RORA: variants seen among roughly 807,000 people sequenced by gnomAD.
RORA encodes the protein RAR related orphan receptor A.
RORA carries 7 observed loss-of-function variants against 69.5 expected under a neutral mutation model. That is an observed-to-expected ratio of 0.10 (90% CI 0.06 to 0.19). The LOEUF is 0.19. Ranked by LOEUF, RORA falls within the 10% of genes least tolerant of loss-of-function variation. The pLI is 1.00. For synonymous variants in RORA, 261 were observed against 240.8 expected (o/e 1.08, Z -0.78); for missense variants, 457 against 663.0 (o/e 0.69, Z 3.41).
At chr15:61,156,191 G>A (rs1398950839) in intron 1 of RORA, among the ~76,000 whole-genome samples, 1 of 152,080 alleles carries the variant, frequency 6.6e-6, no homozygotes, top group African/African-American at 2.4e-5. Context: ...TAAAGCAGAG[G>A]AAAAGAGAGG....
rs115040165 is a variant in RORA, at chr15:60,946,147, C to G, written c.167-267461G>C. On this transcript the variant is annotated intron_variant, in intron 1 of 10. Transcript: ENST00000335670. ...TCAGCGGGTGTGCTGAGGGTGATTC[C>G]GCACAGCGTCCCCCACCCTGAGTGT... is the stretch of plus-strand genomic sequence containing the variant. 5.6e-3 allele frequency among the ~76,000 whole-genome samples: 853 copies of G among 152,174 alleles called. 8 individuals carry two copies. The highest frequency in any genetic ancestry group is 0.02 in the African/African-American group (810 of 41,510).
intron 1 of RORA, among the ~76,000 whole-genome samples, chr15:60,960,811 T>C (rs1344677492): frequency 2.0e-5 from 3 of 152,168 alleles, no homozygotes; most frequent in African/African-American, 7.2e-5. Flanking sequence ...TCTCCCTGCA[T>C]CACCACCATC....
chr15:60,620,989 G>A (rs1286795909), intron 2 of RORA, among the ~76,000 whole-genome samples: 2 of 152,222 alleles, frequency 1.3e-5, no homozygotes, highest in African/African-American at 4.8e-5. Flanking sequence ...CAGCTCTTCA[G>A]GGAGTCTAGT....
At chr15:60,721,830 T>C (rs150652859) in intron 1 of RORA, among the ~76,000 whole-genome samples, 308 of 152,384 alleles carry the variant, frequency 2.0e-3, no homozygotes, top group Non-Finnish European at 3.2e-3. Context: ...CAGAGGGTCA[T>C]CTCTAGTAAG....
chr15:61,169,074 C>T (rs1310706999), intron 1 of RORA, among the ~76,000 whole-genome samples: 1 of 151,566 alleles, frequency 6.6e-6, no homozygotes, highest in African/African-American at 2.4e-5. Flanking sequence ...TTGCTGTATT[C>T]CCCCTGCCAG....
intron 2 of RORA, among the ~76,000 whole-genome samples, chr15:60,622,741 A>G (rs993171878): frequency 6.6e-6 from 1 of 152,168 alleles, no homozygotes; most frequent in African/African-American, 2.4e-5. Flanking sequence ...TTTGAGGTGC[A>G]GTCTCGCTGT....
At chr15:60,807,978 G>A (rs2072682548) in intron 1 of RORA, among the ~76,000 whole-genome samples, 1 of 152,140 alleles carries the variant, frequency 6.6e-6, no homozygotes, top group South Asian at 2.1e-4. Context: ...GATTCTAGAA[G>A]ATAACATCAG....
At chr15:61,145,266 T>C (rs1169300411) in intron 1 of RORA, among the ~76,000 whole-genome samples, 1 of 152,252 alleles carries the variant, frequency 6.6e-6, no homozygotes, top group Non-Finnish European at 1.5e-5. Flanking sequence ...TATACTACTG[T>C]GTGCCTACTA....
intron 1 of RORA, among the ~76,000 whole-genome samples, chr15:61,092,636 A>G (rs2078724980): frequency 2.6e-5 from 4 of 152,250 alleles, no homozygotes; most frequent in Admixed American, 2.6e-4. Flanking sequence ...CTTCCATGAG[A>G]TTCCATTTAA....
intron 2 of RORA, among the ~76,000 whole-genome samples, chr15:60,605,022 T>C (rs2068913339): frequency 6.6e-6 from 1 of 152,196 alleles, no homozygotes; most frequent in Admixed American, 6.5e-5. Context: ...GGAGTTTATT[T>C]GGACATACAG....
At chr15:60,559,938 G>C (rs1222709346) in intron 2 of RORA, among the ~76,000 whole-genome samples, 1 of 151,970 alleles carries the variant, frequency 6.6e-6, no homozygotes, top group African/African-American at 2.4e-5. Context: ...TTTTATTCTT[G>C]ACTGCCATAG....
At chr15:60,666,167 T>A (rs1460726584) in intron 2 of RORA, among the ~76,000 whole-genome samples, 1 of 21,172 alleles carries the variant, frequency 4.7e-5, no homozygotes, top group Non-Finnish European at 1.3e-4. Flanking sequence ...ACAAAGATAA[T>A]TTTTTTTTTT....
intron 1 of RORA, among the ~76,000 whole-genome samples, chr15:60,801,392 C>T (rs557828631): frequency 6.7e-6 from 1 of 150,168 alleles, no homozygotes; most frequent in Admixed American, 6.8e-5. Flanking sequence ...AAGAAACAGC[C>T]CATTTAAAGA....
chr15:60,979,873 C>A (rs1893989310), intron 1 of RORA, among the ~76,000 whole-genome samples: 1 of 152,138 alleles, frequency 6.6e-6, no homozygotes, highest in Admixed American at 6.5e-5. Context: ...TTCTAACTCT[C>A]TTTCTCATCT....
intron 1 of RORA, among the ~76,000 whole-genome samples, chr15:60,696,918 T>G (rs1167345326): frequency 6.6e-6 from 1 of 152,118 alleles, no homozygotes; most frequent in Admixed American, 6.5e-5. Flanking sequence ...GAGGACACAG[T>G]CCTGATTCTT....
intron 2 of RORA, among the ~76,000 whole-genome samples, chr15:60,642,243 A>T (rs889658991): frequency 2.6e-5 from 4 of 152,186 alleles, no homozygotes; most frequent in Non-Finnish European, 4.4e-5. Flanking sequence ...GAGAAAAAAA[A>T]AAGAAGAAAA....
chr15:61,177,910 C>T (rs1258324843), intron 1 of RORA, among the ~76,000 whole-genome samples: 2 of 150,562 alleles, frequency 1.3e-5, no homozygotes, highest in Non-Finnish European at 2.9e-5. Context: ...TGCAGTGAGC[C>T]GAGATTGCAC....
intron 1 of RORA, among the ~76,000 whole-genome samples, chr15:60,810,396 T>C (rs2072724977): frequency 6.6e-6 from 1 of 152,110 alleles, no homozygotes; most frequent in Non-Finnish European, 1.5e-5. Flanking sequence ...GGCCTTCTTG[T>C]GTTTGGTGTT....
Position 60,852,094 on chromosome 15 carries a change from G to A in RORA, c.167-173408C>T, listed in dbSNP as rs892941872. Among the ~76,000 whole-genome samples the A allele has an allele frequency of 4.6e-5, 7 of 152,150 alleles. No homozygotes were observed. In the South Asian group the frequency reaches 8.3e-4, roughly 18 times the overall value. On this transcript the variant is annotated intron_variant, in intron 1 of 10. Coordinates refer to ENST00000335670, the MANE Select transcript of RORA (RefSeq NM_134261.3). ...GCCCTGTCAGAGGGATCCCTGCCCCGATGGCACACCAGCGCTTGAACCTCA... is the reference window on the plus strand; with the variant it reads ...GCCCTGTCAGAGGGATCCCTGCCCCAATGGCACACCAGCGCTTGAACCTCA...
Sources: allele counts gnomAD v4.1 joint callset (sites outside exome capture counted in the v4.1 genomes callset), GRCh38; gene constraint gnomAD v4.1.1; transcripts MANE v1.5; gene names NCBI Gene and HGNC (gene_info 2026-07-23, HGNC 2026-07-21).